CLIP2: variants seen among roughly 807,000 people sequenced by gnomAD.
CLIP2 encodes CAP-Gly domain-containing linker protein 2.
Under a neutral mutation model 111.7 loss-of-function variants are expected in CLIP2, and 41 were observed. That is an observed-to-expected ratio of 0.37 (90% CI 0.29 to 0.48). CLIP2 has a LOEUF of 0.48. Ranked by LOEUF, CLIP2 falls within the 20% of genes least tolerant of loss-of-function variation. The probability of loss-of-function intolerance (pLI) is 0.99; values close to 1 mark genes in which losing one functional copy is unlikely to be tolerated. For synonymous variants in CLIP2, 660 were observed against 644.2 expected, an observed-to-expected ratio of 1.02 and a Z score of -0.37; for missense variants, 1,160 against 1,422.1, an observed-to-expected ratio of 0.82 and a Z score of 2.96.
chr7:74,336,891 T>TTTTTTTTTTTTTTG (rs1564049067), intron 2 of CLIP2, among the ~76,000 whole-genome samples: 83 of 938 alleles, frequency 0.088, no homozygotes, highest in Non-Finnish European at 0.1. Context: ...TTTTGTTTTG[T>TTTTTTTTTTTTTTG]TTTTTTTTTT....
Position 74,376,679 on chromosome 7 carries a change from GAGA to G in CLIP2, c.2285_2287del (p.Lys762del), listed in dbSNP as rs1273300405. The G allele has an allele frequency of 1.8e-5, 29 of 1,613,156 alleles. No individual in the cohort carries two copies. Among genetic ancestry groups the G allele is most frequent in the East Asian group, 4.5e-5 (2 of 44,880 alleles). On this transcript the variant is annotated inframe_deletion, in exon 10 of 17. Transcript: ENST00000223398. The surrounding 1 kb of genome is among the most constrained non-coding windows in gnomAD (Gnocchi z 7.1). ...CCTCAAGGAGCAGATCTCGCTGGCC[GAGA>G]AGAAGATGTTGGACTACGAGCGGCT...
intron 2 of CLIP2, among the ~76,000 whole-genome samples, chr7:74,331,562 CTTTT>C (rs1213774851): frequency 2.0e-4 from 24 of 120,658 alleles, no homozygotes; most frequent in Admixed American, 9.9e-4. Context: ...TTCTTTCTTT[CTTTT>C]TTTTTTTTTT....
intron 8 of CLIP2, among the ~76,000 whole-genome samples, chr7:74,368,246 G>A (rs948291933): frequency 2.6e-5 from 4 of 152,030 alleles, no homozygotes; most frequent in South Asian, 2.1e-4. Context: ...GGCCGGGCGC[G>A]GTGGCTCACG....
chr7:74,309,287 C>G (rs1554728166), intron 1 of CLIP2, among the ~76,000 whole-genome samples: 1 of 150,240 alleles, frequency 6.7e-6, no homozygotes, highest in African/African-American at 2.4e-5. Flanking sequence ...ACCAACCTAG[C>G]CAACATGATG....
At chr7:74,366,875 CAAAA>C (rs35336151) in intron 8 of CLIP2, among the ~76,000 whole-genome samples, 3 of 66,108 alleles carry the variant, frequency 4.5e-5, no homozygotes, top group African/African-American at 6.9e-5. Context: ...GACTCCTTCT[CAAAA>C]AAAAAAAAAA....
At chr7:74,312,122 G>A (rs1415154048) in intron 1 of CLIP2, among the ~76,000 whole-genome samples, 5 of 151,964 alleles carry the variant, frequency 3.3e-5, no homozygotes, top group African/African-American at 1.2e-4. Flanking sequence ...GCAATGGGAC[G>A]CCTGTAGTCC....
chr7:74,400,360 C>T lies in CLIP2; in HGVS notation c.2881-10C>T, dbSNP rs782787857. ...ACTCATGTACTCTTCCACTCTCCTG[C>T]CACTTCCAGGACAAAGAGAAATCCC... On this transcript the variant is annotated splice_polypyrimidine_tract_variant and intron_variant, in intron 14 of 16. Coordinates refer to ENST00000223398, the MANE Select transcript of CLIP2 (RefSeq NM_003388.5). The T allele has an allele frequency of 6.3e-7, 1 of 1,596,664 alleles. No individual in the cohort carries two copies. Among genetic ancestry groups the T allele is most frequent in the Admixed American group, 1.7e-5 (1 of 58,726 alleles).
At chr7:74,341,390 T>C (rs1554305360) in intron 3 of CLIP2, among the ~76,000 whole-genome samples, 1 of 151,896 alleles carries the variant, frequency 6.6e-6, no homozygotes, top group East Asian at 1.9e-4. Flanking sequence ...GGTTTCACCA[T>C]GTTGGCCAGG....
At chr7:74,315,797 C>A (rs1788752724) in intron 1 of CLIP2, among the ~76,000 whole-genome samples, 1 of 151,950 alleles carries the variant, frequency 6.6e-6, no homozygotes, top group Non-Finnish European at 1.5e-5. Context: ...GTCTCAAACT[C>A]CTGACCTCAG....
chr7:74,316,122 A>G (rs1387761541), intron 1 of CLIP2, among the ~76,000 whole-genome samples: 1 of 148,024 alleles, frequency 6.8e-6, no homozygotes. Context: ...TACAAGTGAG[A>G]ACATGTGGTG....
At chr7:74,397,358 T>C in intron 14 of CLIP2, 125 bp downstream of exon 14, 1 of 1,065,132 alleles carries the variant, frequency 9.4e-7, no homozygotes, top group Admixed American at 2.6e-5. Flanking sequence ...TGAGTCATGG[T>C]GAGGATTTGA....
At chr7:74,350,139 C>T (rs1789942182) in intron 3 of CLIP2, among the ~76,000 whole-genome samples, 1 of 152,050 alleles carries the variant, frequency 6.6e-6, no homozygotes, top group East Asian at 1.9e-4. Flanking sequence ...CTGCAACCTC[C>T]GCCTCCTGGG....
At chr7:74,340,698 G>C (rs1246941079) in intron 3 of CLIP2, among the ~76,000 whole-genome samples, 2 of 152,152 alleles carry the variant, frequency 1.3e-5, no homozygotes, top group South Asian at 2.1e-4. Flanking sequence ...GCCAGGCTGT[G>C]GTGGCCTTGG....
intron 1 of CLIP2, among the ~76,000 whole-genome samples, chr7:74,308,125 G>A (rs2116478644): frequency 6.6e-6 from 1 of 152,328 alleles, no homozygotes; most frequent in Admixed American, 6.5e-5. Context: ...GAGACTTCCT[G>A]GAGGAGGTGG....
intron 7 of CLIP2, among the ~76,000 whole-genome samples, chr7:74,363,587 T>C (rs1242287469): frequency 6.6e-6 from 1 of 152,170 alleles, no homozygotes; most frequent in Admixed American, 6.5e-5. Context: ...CCCGCAGTGA[T>C]GAAAACAGTG....
intron 1 of CLIP2, among the ~76,000 whole-genome samples, chr7:74,309,001 C>T (rs1788567838): frequency 1.3e-5 from 2 of 151,926 alleles, no homozygotes; most frequent in South Asian, 2.1e-4. Context: ...CCCAGTAGCT[C>T]GGACTACAGG....
At chr7:74,348,528 G>A (rs1323773497) in intron 3 of CLIP2, among the ~76,000 whole-genome samples, 2 of 151,736 alleles carry the variant, frequency 1.3e-5, no homozygotes, top group African/African-American at 2.4e-5. Context: ...GGTGGCTCAC[G>A]CCTGTAATCC....
Position 74,338,542 on chromosome 7 carries a change from G to T in CLIP2, c.216G>T (p.Gly72=). The T allele has an allele frequency of 6.3e-7, 1 of 1,599,956 alleles. No individual in the cohort carries two copies. The part of the protein sequence containing the change: ...EKPGPKAAEV[G]DDFLGDFVVG... ...CGGGCCCCAAGGCGGCGGAAGTGGG[G>T]GATGACTTCCTGGGGGACTTTGTGG... is the stretch of plus-strand genomic sequence containing the variant. Residue 72 remains glycine, a synonymous_variant, in exon 3 of 17, where the codon GGG becomes GGT. Transcript: ENST00000223398. This position sits in a 1 kb window ranked among gnomAD's most constrained non-coding sequence, Gnocchi z 4.3.
chr7:74,354,622 T>C (rs896482649), intron 4 of CLIP2, among the ~76,000 whole-genome samples: 8 of 151,116 alleles, frequency 5.3e-5, no homozygotes, highest in African/African-American at 1.9e-4. Flanking sequence ...CTCAAAAAAA[T>C]TAGCCAGGCA....
Sources: gnomAD v4.1 joint callset for allele counts (sites outside exome capture counted in the v4.1 genomes callset) on GRCh38, gnomAD v4.1.1 for gene constraint, Gnocchi (gnomAD v3.1) non-coding constraint, MANE v1.5 for transcripts, NCBI Gene and HGNC (gene_info 2026-07-23, HGNC 2026-07-21) for gene names.